Variants in LAMA4 observed in about 807,000 individuals in gnomAD.
LAMA4 encodes the protein laminin subunit alpha-4.
LAMA4 carries 127 observed loss-of-function variants against 207.1 expected under a neutral mutation model. The observed-to-expected ratio is 0.61, with a 90% CI of 0.53 to 0.71. LAMA4 has a LOEUF of 0.71. LAMA4 is among the 30% of genes least tolerant of loss of function. The pLI is 0.00. For synonymous variants in LAMA4, 761 were observed against 816.0 expected (o/e 0.93, Z 1.15); for missense variants, 2,093 against 2,246.5 (o/e 0.93, Z 1.38).
At chr6:112,150,763 A>T in intron 16 of LAMA4, 136 bp from the exon 17 acceptor site, 1 of 728,684 alleles carries the variant, frequency 1.4e-6, no homozygotes, top group Admixed American at 1.9e-5. Flanking sequence ...CTCTGAACAT[A>T]GATCAACAAT....
chr6:112,139,143 G>A lies in LAMA4; in HGVS notation c.3259C>T (p.Leu1087Phe). The A allele has an allele frequency of 2.5e-6, 4 of 1,614,138 alleles. No individual in the cohort carries two copies. The highest frequency in any genetic ancestry group is 3.4e-6 in the Non-Finnish European group (4 of 1,179,970). The change falls in exon 24 of 39, where the codon CTT becomes TTT. Residue 1087 changes from leucine to phenylalanine, a missense_variant. Leu to Phe is a conservative substitution (Grantham distance 22, BLOSUM62 0). Transcript: ENST00000230538. ...IEVRTPADNG[L>F]ILLMVNGSMF... ...ACTCCATTGACCATCAGGAGAATAA[G>A]GCCGTTGTCAGCTGGTGTTCGAACT... is the stretch of plus-strand genomic sequence containing the variant.
chr6:112,172,378 A>ATC, intron 12 of LAMA4: 3 of 515,906 alleles, frequency 5.8e-6, no homozygotes, highest in South Asian at 4.4e-5. Flanking sequence ...GGACACAAGC[A>ATC]TCAGAACTAC....
intron 19 of LAMA4, among the ~76,000 whole-genome samples, chr6:112,143,258 T>A (rs186615780): frequency 6.6e-6 from 1 of 151,974 alleles, no homozygotes; most frequent in African/African-American, 2.4e-5. Flanking sequence ...AGCTGTCCTA[T>A]GTTATCAGTT....
In LAMA4 at chr6:112,131,093, C is replaced by T. The variant is rs1554329636; in HGVS notation, c.3843G>A (p.Val1281=). 2 of 1,612,994 alleles carry T rather than the reference C, an allele frequency of 1.2e-6. No individual in the cohort carries two copies. Among genetic ancestry groups the T allele is most frequent in the Non-Finnish European group, 1.7e-6 (2 of 1,179,144 alleles). The change falls in exon 29 of 39, where the codon GTG becomes GTA. Residue 1281 remains valine (V), a synonymous_variant. Transcript: ENST00000230538. ...LLFYYASGSD[V]FSISLDNGTV... is the part of the protein sequence containing the mutation. ...TACCATTATCCAGTGAGATGGAGAA[C>T]ACGTCTGACTGAAATGCAAGCACAG... is the stretch of plus-strand genomic sequence containing the variant.
chr6:112,154,783 G>A, intron 16 of LAMA4, 68 bp downstream of exon 16: 2 of 951,740 alleles, frequency 2.1e-6, no homozygotes, highest in Non-Finnish European at 1.7e-6. Context: ...GGAAATCTCT[G>A]TCTACGTGTA....
chr6:112,145,248 C>T (rs532939772), intron 18 of LAMA4, among the ~76,000 whole-genome samples: 24 of 152,344 alleles, frequency 1.6e-4, no homozygotes, highest in African/African-American at 4.6e-4. Context: ...ACTGCCCTGC[C>T]GATGCCATGC....
intron 32 of LAMA4, chr6:112,121,718 A>G (rs1778370257): frequency 2.7e-6 from 1 of 371,726 alleles, no homozygotes; most frequent in Non-Finnish European, 5.1e-6. Context: ...TCAATGTTAG[A>G]TGATGAGTCA....
chr6:112,126,133 G>A (rs1304033556), intron 31 of LAMA4, among the ~76,000 whole-genome samples: 1 of 152,190 alleles, frequency 6.6e-6, no homozygotes, highest in Non-Finnish European at 1.5e-5. Flanking sequence ...TGTTAGTAGG[G>A]CTGTTGATTA....
chr6:112,165,995 A>G (rs1554339829), intron 12 of LAMA4, among the ~76,000 whole-genome samples: 4 of 152,228 alleles, frequency 2.6e-5, no homozygotes, highest in African/African-American at 7.2e-5. Context: ...AAGAAACTTT[A>G]GGAGGGAAAA....
intron 6 of LAMA4, among the ~76,000 whole-genome samples, chr6:112,189,790 C>T (rs372414792): frequency 1.3e-5 from 2 of 152,124 alleles, no homozygotes; most frequent in African/African-American, 2.4e-5. Context: ...GAATCAGGAA[C>T]ATTTTTACAT....
chr6:112,244,070 C>T (rs1786728522), intron 2 of LAMA4, among the ~76,000 whole-genome samples: 1 of 151,994 alleles, frequency 6.6e-6, no homozygotes, highest in South Asian at 2.1e-4. Context: ...AATAAATAAA[C>T]AAAATAAAGC....
chr6:112,109,464 T>TAC lies in LAMA4; in HGVS notation c.5443_5444dup (p.Ser1816Ter). 1 of 1,614,036 alleles carries TAC rather than the reference T, an allele frequency of 6.2e-7. No homozygotes were observed. The highest frequency in any genetic ancestry group is 8.5e-7 in the Non-Finnish European group (1 of 1,179,990). ...AGGCTGCTGGACAGGAGTTGATGCT[T>TAC]ACGGCGCCGCTGACCAGGGCTGCTT... On this transcript the variant is annotated frameshift_variant, in exon 39 of 39. Transcript: ENST00000230538. LOFTEE classifies it high-confidence loss of function.
intron 38 of LAMA4, 70 bp downstream of exon 38, chr6:112,114,006 A>G (rs1777858602): frequency 1.9e-6 from 3 of 1,574,056 alleles, no homozygotes; most frequent in Non-Finnish European, 1.7e-6. Context: ...ACATGGCTCA[A>G]TTCTACAATA....
intron 9 of LAMA4, among the ~76,000 whole-genome samples, chr6:112,183,266 G>C (rs1554345708): frequency 6.6e-6 from 1 of 152,194 alleles, no homozygotes; most frequent in Non-Finnish European, 1.5e-5. Flanking sequence ...GACTTTTCTA[G>C]AGCAAGGGCT....
intron 2 of LAMA4, among the ~76,000 whole-genome samples, chr6:112,249,208 G>A (rs1787234750): frequency 6.6e-6 from 1 of 152,128 alleles, no homozygotes; most frequent in African/African-American, 2.4e-5. Context: ...ACTTTGGGAG[G>A]CCGAGGCGGG....
At chr6:112,179,205 T>A (rs1782200638) in intron 9 of LAMA4, 1 of 152,156 alleles carries the variant, frequency 6.6e-6, no homozygotes, top group South Asian at 2.1e-4. Context: ...ACAGTATTTG[T>A]CAAAAATAAT....
chr6:112,220,812 A>G (rs1440463925), intron 2 of LAMA4, among the ~76,000 whole-genome samples: 2 of 152,178 alleles, frequency 1.3e-5, no homozygotes, highest in Non-Finnish European at 1.5e-5. Context: ...TGCTTTGGCT[A>G]TGGCAAACTT....
At chr6:112,174,835 G>A (rs1554343081) in intron 11 of LAMA4, among the ~76,000 whole-genome samples, 1 of 152,244 alleles carries the variant, frequency 6.6e-6, no homozygotes, top group Non-Finnish European at 1.5e-5. Flanking sequence ...CAGTGATCAA[G>A]TGATAGATTC....
intron 31 of LAMA4, among the ~76,000 whole-genome samples, chr6:112,122,467 T>C (rs181557809): frequency 2.6e-5 from 4 of 152,316 alleles, no homozygotes; most frequent in Admixed American, 2.0e-4. Context: ...ACTGAAGCTA[T>C]AGAGACAACT....
Sources: gnomAD v4.1 joint callset for allele counts (sites outside exome capture counted in the v4.1 genomes callset) on GRCh38, gnomAD v4.1.1 for gene constraint, MANE v1.5 for transcripts, NCBI Gene and HGNC (gene_info 2026-07-23, HGNC 2026-07-21) for gene names.